Variants in CDH4 observed in about 807,000 individuals in gnomAD.
The protein encoded by CDH4 is cadherin-4.
Under a neutral mutation model 86.0 loss-of-function variants are expected in CDH4, and 33 were observed. The observed-to-expected ratio is 0.38, with a 90% CI of 0.29 to 0.51. The LOEUF (loss-of-function observed/expected upper bound fraction) is 0.51. Ranked by LOEUF, CDH4 falls within the 20% of genes least tolerant of loss-of-function variation. The probability of loss-of-function intolerance (pLI) is 0.86; values close to 1 mark genes in which losing one functional copy is unlikely to be tolerated. For synonymous variants in CDH4, 555 were observed against 549.4 expected, an observed-to-expected ratio of 1.01 and a Z score of -0.14; for missense variants, 1,114 against 1,307.4, an observed-to-expected ratio of 0.85 and a Z score of 2.28.
intron 5 of CDH4, among the ~76,000 whole-genome samples, chr20:61,849,420 A>G (rs1568848233): frequency 1.3e-5 from 2 of 152,296 alleles, no homozygotes; most frequent in East Asian, 3.9e-4. Context: ...CTATGAGTTC[A>G]CCGTGCTGTA....
chr20:61,658,060 A>G (rs1270418034), intron 2 of CDH4, among the ~76,000 whole-genome samples: 1 of 152,130 alleles, frequency 6.6e-6, no homozygotes, highest in East Asian at 1.9e-4. Context: ...TAAGTCTCCC[A>G]GGACCCCAGC....
chr20:61,804,459 C>T (rs1261424416), intron 4 of CDH4, among the ~76,000 whole-genome samples: 1 of 152,216 alleles, frequency 6.6e-6, no homozygotes, highest in Non-Finnish European at 1.5e-5. Flanking sequence ...CACCAGTCAC[C>T]TGGAGGTCAG....
At chr20:61,629,259 C>G (rs2086861139) in intron 2 of CDH4, among the ~76,000 whole-genome samples, 1 of 152,140 alleles carries the variant, frequency 6.6e-6, no homozygotes, top group African/African-American at 2.4e-5. Context: ...GTGCACCCAG[C>G]CCAGCCCCCC....
intron 2 of CDH4, among the ~76,000 whole-genome samples, chr20:61,528,727 A>G (rs1269673304): frequency 2.0e-5 from 3 of 152,154 alleles, no homozygotes; most frequent in Non-Finnish European, 4.4e-5. Flanking sequence ...GATGATTTAG[A>G]TAGGCTGGAA....
chr20:61,533,951 G>A (rs1357235253), intron 2 of CDH4, among the ~76,000 whole-genome samples: 2 of 152,038 alleles, frequency 1.3e-5, no homozygotes, highest in African/African-American at 4.8e-5. Context: ...GGTGCTTCTT[G>A]CCATTGCTTT....
intron 2 of CDH4, among the ~76,000 whole-genome samples, chr20:61,454,009 TCCCCA>T (rs2085394033): frequency 6.6e-6 from 1 of 152,214 alleles, no homozygotes; most frequent in Non-Finnish European, 1.5e-5. Flanking sequence ...TCCTGAGGCC[TCCCCA>T]GCCCTGTGGA....
At chr20:61,765,562 G>T (rs2088688367) in intron 3 of CDH4, among the ~76,000 whole-genome samples, 1 of 152,220 alleles carries the variant, frequency 6.6e-6, no homozygotes, top group African/African-American at 2.4e-5. Flanking sequence ...AGGGCGTAAG[G>T]AGAGCAGGGA....
At position 61,825,000 on chromosome 20, in the gene CDH4, G is replaced by C. The variant is rs12480435; in HGVS notation, c.577-19668G>C. ...CCACTTTCGTTATCCCATAACAACA[G>C]CTATAACTGGGTTTATGGCATGGGT... On this transcript the variant is annotated intron_variant, in intron 4 of 15. Transcript: ENST00000614565. 8.9e-3 allele frequency among the ~76,000 whole-genome samples: 1,356 copies of C among 152,308 alleles called. 57 individuals carry two copies. The highest frequency in any genetic ancestry group is 0.073 in the Admixed American group (1,118 of 15,300).
intron 4 of CDH4, among the ~76,000 whole-genome samples, chr20:61,786,126 G>C (rs184989240): frequency 6.6e-6 from 1 of 152,068 alleles, no homozygotes; most frequent in Admixed American, 6.6e-5. Context: ...TCAGCCCTCC[G>C]GGGAAACAAG....
At chr20:61,883,990 T>C (rs1984418431) in intron 7 of CDH4, among the ~76,000 whole-genome samples, 1 of 152,068 alleles carries the variant, frequency 6.6e-6, no homozygotes, top group Admixed American at 6.5e-5. Context: ...GAGACTTTCT[T>C]TGTGGCCTCC....
chr20:61,920,979 G>C (rs895261330), intron 9 of CDH4, among the ~76,000 whole-genome samples: 4 of 148,118 alleles, frequency 2.7e-5, no homozygotes, highest in Non-Finnish European at 5.9e-5. Context: ...TGGTGATTGC[G>C]TGGAAGTGTG....
intron 9 of CDH4, among the ~76,000 whole-genome samples, chr20:61,913,640 C>A (rs1192825880): frequency 6.6e-6 from 1 of 152,224 alleles, no homozygotes; most frequent in Non-Finnish European, 1.5e-5. Context: ...GGAACTGATT[C>A]CTGAGATGGG....
chr20:61,531,505 C>T (rs1034643451), intron 2 of CDH4, among the ~76,000 whole-genome samples: 6 of 145,504 alleles, frequency 4.1e-5, no homozygotes, highest in Admixed American at 1.4e-4. Flanking sequence ...AGGGATTTAG[C>T]AAAAGGATTT....
chr20:61,525,850 G>A lies in CDH4; in HGVS notation c.170-217713G>A, dbSNP rs546507354. 3.9e-5 allele frequency among the ~76,000 whole-genome samples: 6 copies of A among 152,172 alleles called. No individual in the cohort carries two copies. In the East Asian group the frequency reaches 1.2e-3, roughly 29 times the overall value. On this transcript the variant is annotated intron_variant, in intron 2 of 15. Transcript: ENST00000614565. ...GTCTCCCAGCTGCTGTGGCCGGGCC[G>A]GGCACCGTAAGTCCTGCTCATAGCC... is the stretch of plus-strand genomic sequence containing the variant.
At position 61,810,594 on chromosome 20, in the gene CDH4, T is replaced by C. The variant is rs1190153126; in HGVS notation, c.577-34074T>C. Among the ~76,000 whole-genome samples, 1 of 152,164 alleles carries C rather than the reference T, an allele frequency of 6.6e-6. No individual in the cohort carries two copies. The highest frequency in any genetic ancestry group is 1.5e-5 in the Non-Finnish European group (1 of 68,014). ...CGTGTGCCCGCCTCACCCTGCCTCC[T>C]GCCTCCCGCCCTGCTCCCATCCACC... On this transcript the variant is annotated intron_variant, in intron 4 of 15. Coordinates refer to ENST00000614565, the MANE Select transcript of CDH4 (RefSeq NM_001794.5). The surrounding 1 kb of genome is among the most constrained non-coding windows in gnomAD (Gnocchi z 4.3).
chr20:61,645,640 A>G (rs961834407), intron 2 of CDH4, among the ~76,000 whole-genome samples: 2 of 151,938 alleles, frequency 1.3e-5, no homozygotes, highest in Non-Finnish European at 2.9e-5. Context: ...AAAAAAAAAA[A>G]AAAAATTAAC....
intron 2 of CDH4, among the ~76,000 whole-genome samples, chr20:61,559,254 G>GT (rs1420587879): frequency 1.3e-5 from 2 of 152,136 alleles, no homozygotes; most frequent in Non-Finnish European, 2.9e-5. Context: ...GGAAACGGAG[G>GT]TTGCAGTAAG....
chr20:61,327,017 G>C (rs1441643128), intron 2 of CDH4, among the ~76,000 whole-genome samples: 2 of 152,118 alleles, frequency 1.3e-5, no homozygotes, highest in African/African-American at 4.8e-5. Flanking sequence ...CCTCCACCAG[G>C]CAAGATTACC....
At position 61,844,777 on chromosome 20, in the gene CDH4, T is replaced by G; in HGVS notation, c.686T>G (p.Met229Arg). The G allele has an allele frequency of 6.2e-7, 1 of 1,613,996 alleles. No individual in the cohort carries two copies. The highest frequency in any genetic ancestry group is 8.5e-7 in the Non-Finnish European group (1 of 1,179,928). The change falls in exon 5 of 16, where the codon ATG becomes AGG. Residue 229 changes from methionine to arginine, a missense_variant. By Grantham distance (91) the Met-to-Arg change is moderately conservative (BLOSUM62 -1). Around this residue, in one of 3 missense-constraint regions of CDH4, gnomAD observed 705 missense variants for 914.1 expected, o/e 0.77. Transcript: ENST00000614565. ...VFSIDSMSGR[M>R]YVTRPMDREE... The stretch of plus-strand genomic sequence containing the variant: ...AGCATTGACTCCATGTCCGGCCGGA[T>G]GTACGTCACAAGGCCCATGGACCGG...
Sources: gnomAD v4.1 joint callset for allele counts (sites outside exome capture counted in the v4.1 genomes callset) on GRCh38, gnomAD v4.1.1 for gene constraint, gnomAD v4.1.1 regional missense constraint, Gnocchi (gnomAD v3.1) non-coding constraint, MANE v1.5 for transcripts, NCBI Gene and HGNC (gene_info 2026-07-23, HGNC 2026-07-21) for gene names.